ZNF462: variants seen among roughly 807,000 people sequenced by gnomAD.
ZNF462 encodes the protein zinc finger PBX1-interacting protein.
A neutral mutation model predicts 201.9 loss-of-function variants in ZNF462; 10 were observed. The observed-to-expected ratio is 0.05, with a 90% CI of 0.03 to 0.08. The LOEUF (loss-of-function observed/expected upper bound fraction) is 0.08. ZNF462 is among the 10% of genes least tolerant of loss of function. The probability of loss-of-function intolerance (pLI) is 1.00; values close to 1 mark genes in which losing one functional copy is unlikely to be tolerated. For synonymous variants in ZNF462, 1,227 were observed against 1,193.3 expected, an observed-to-expected ratio of 1.03 and a Z score of -0.58; for missense variants, 2,523 against 3,168.3, an observed-to-expected ratio of 0.80 and a Z score of 4.89.
At chr9:106,949,401 G>A (rs1831244238) in intron 7 of ZNF462, among the ~76,000 whole-genome samples, 1 of 152,162 alleles carries the variant, frequency 6.6e-6, no homozygotes, top group South Asian at 2.1e-4. Context: ...ACAAGCCTGG[G>A]AATCTGGAAA....
At chr9:106,891,048 G>A (rs759269149) in intron 1 of ZNF462, among the ~76,000 whole-genome samples, 43 of 152,148 alleles carry the variant, frequency 2.8e-4, no homozygotes, top group Non-Finnish European at 5.4e-4. Flanking sequence ...AAAGTCAGAG[G>A]TGGAACAGAA....
At chr9:107,002,250 G>A (rs1829241723) in intron 10 of ZNF462, among the ~76,000 whole-genome samples, 1 of 152,132 alleles carries the variant, frequency 6.6e-6, no homozygotes, top group Non-Finnish European at 1.5e-5. Flanking sequence ...AATGATGTCT[G>A]TCTTCCCTCT....
At chr9:106,894,408 A>G (rs147574304) in intron 1 of ZNF462, among the ~76,000 whole-genome samples, 1 of 152,380 alleles carries the variant, frequency 6.6e-6, no homozygotes, top group East Asian at 1.9e-4. Context: ...TCAGTCTTCC[A>G]TAACACGATA....
intron 10 of ZNF462, among the ~76,000 whole-genome samples, chr9:106,988,269 G>T (rs1388095694): frequency 6.8e-6 from 1 of 146,754 alleles, no homozygotes; most frequent in Admixed American, 6.7e-5. Context: ...CAGGCAAAAA[G>T]AGAAGGAGGA....
chr9:106,891,646 A>G (rs1828582499), intron 1 of ZNF462, among the ~76,000 whole-genome samples: 1 of 152,238 alleles, frequency 6.6e-6, no homozygotes, highest in Non-Finnish European at 1.5e-5. Context: ...AGTACCATTA[A>G]TAAATCACAT....
In ZNF462 at chr9:106,938,885, T is replaced by C. The variant is rs1304421404; in HGVS notation, c.6236-31T>C. 5 of 1,569,374 alleles carry C rather than the reference T, an allele frequency of 3.2e-6. No homozygotes were observed. Among genetic ancestry groups the C allele is most frequent in the Non-Finnish European group, 3.5e-6 (4 of 1,156,900 alleles). ...TTATACCCTTCTCCCCTCTTTTTCCTGTTCTATTTCTTGTCACCATCCTCT... is the reference window on the plus strand; with the variant it reads ...TTATACCCTTCTCCCCTCTTTTTCCCGTTCTATTTCTTGTCACCATCCTCT... On this transcript the variant is annotated intron_variant, in intron 6 of 12. Coordinates refer to ENST00000277225, the MANE Select transcript of ZNF462 (RefSeq NM_021224.6). The surrounding 1 kb of genome is among the most constrained non-coding windows in gnomAD (Gnocchi z 4.4).
Position 106,972,082 on chromosome 9 carries a change from A to G in ZNF462, c.6505A>G (p.Ser2169Gly). The G allele has an allele frequency of 1.9e-6, 3 of 1,614,180 alleles. No homozygotes were observed. Among genetic ancestry groups the G allele is most frequent in the Non-Finnish European group, 2.5e-6 (3 of 1,180,016 alleles). ...YQSAALARNNSRVSPVPLSGA... is the reference protein window; with the variant it reads ...YQSAALARNNGRVSPVPLSGA... ...GTCAGCTGCCCTGGCAAGGAACAAC[A>G]GCCGTGTTAGCCCTGTGCCTCTTTC... is the stretch of plus-strand genomic sequence containing the variant. Residue 2169 changes from serine (S) to glycine (G), a missense_variant, in exon 8 of 13, where the codon AGC becomes GGC. Physicochemically the swap from Ser to Gly is moderately conservative, Grantham distance 56. Coordinates refer to ENST00000277225, the MANE Select transcript of ZNF462 (RefSeq NM_021224.6). This position sits in a 1 kb window ranked among gnomAD's most constrained non-coding sequence, Gnocchi z 4.8.
rs563590189 is a variant in ZNF462, at chr9:107,011,049, A to G, written c.*19A>G. 66 of 1,610,610 alleles carry G rather than the reference A, an allele frequency of 4.1e-5. No homozygotes were observed. The East Asian group carries it at 1.4e-3, about 35-fold the overall frequency. Reference sequence around the variant, plus strand: ...AGAATGAGCGTTTGGTGAAATTCTTAATCAAACCTTACTTGAACAGTGATG... The same window carrying G: ...AGAATGAGCGTTTGGTGAAATTCTTGATCAAACCTTACTTGAACAGTGATG... On this transcript the variant is annotated 3_prime_UTR_variant, in exon 13 of 13. Transcript: ENST00000277225. The surrounding 1 kb of genome is among the most constrained non-coding windows in gnomAD (Gnocchi z 5.6).
chr9:107,002,602 C>T (rs1180798526), intron 10 of ZNF462, among the ~76,000 whole-genome samples: 1 of 152,192 alleles, frequency 6.6e-6, no homozygotes, highest in Non-Finnish European at 1.5e-5. Context: ...ATTCTGACCA[C>T]ATTTTACATG....
At chr9:106,997,971 TG>T (rs75128253) in intron 10 of ZNF462, among the ~76,000 whole-genome samples, 19,940 of 152,186 alleles carry the variant, frequency 0.13, 3,547 homozygotes, top group African/African-American at 0.4. Context: ...TTATTGTTTA[TG>T]GGTTGCTTCT....
chr9:106,991,320 A>G (rs1026113112), intron 10 of ZNF462, among the ~76,000 whole-genome samples: 3 of 152,034 alleles, frequency 2.0e-5, no homozygotes, highest in African/African-American at 7.2e-5. Flanking sequence ...AATAACATCA[A>G]AAAGAATAAA....
intron 10 of ZNF462, among the ~76,000 whole-genome samples, chr9:107,001,221 T>A (rs1459961178): frequency 6.6e-6 from 1 of 152,202 alleles, no homozygotes; most frequent in Non-Finnish European, 1.5e-5. Flanking sequence ...CCACTTTTCC[T>A]GAAAAACTAG....
In ZNF462 at chr9:106,927,219, C is replaced by A; in HGVS notation, c.3307C>A (p.Gln1103Lys). Reference protein sequence around the residue: ...MSNMGSPPPPQPPPPDLSTEL... With the variant: ...MSNMGSPPPPKPPPPDLSTEL... ...CAACATGGGTTCCCCACCCCCCCCA[C>A]AACCCCCGCCACCAGACCTCAGTAC... Residue 1103 changes from glutamine to lysine, a missense_variant, in exon 3 of 13, where the codon CAA becomes AAA. Gln to Lys is a moderately conservative substitution (Grantham distance 53). Coordinates refer to ENST00000277225, the MANE Select transcript of ZNF462 (RefSeq NM_021224.6). The A allele has an allele frequency of 6.4e-7, 1 of 1,561,108 alleles. No individual in the cohort carries two copies. Among genetic ancestry groups the A allele is most frequent in the Admixed American group, 1.7e-5 (1 of 59,128 alleles).
At chr9:106,879,495 A>G (rs966243210) in intron 1 of ZNF462, among the ~76,000 whole-genome samples, 2 of 152,036 alleles carry the variant, frequency 1.3e-5, no homozygotes, top group East Asian at 3.9e-4. Flanking sequence ...TTCCACACAC[A>G]TGTAGGGCGG....
Position 107,011,714 on chromosome 9 carries a change from G to A in ZNF462, c.*684G>A, listed in dbSNP as rs933108824. On this transcript the variant is annotated 3_prime_UTR_variant, in exon 13 of 13. Transcript: ENST00000277225. This position sits in a 1 kb window ranked among gnomAD's most constrained non-coding sequence, Gnocchi z 5.6. ...CACAAATTGTGCTTAAAATCCCCAT[G>A]TGGGTTTTATTTCTTAAAATACTGT... The A allele has an allele frequency of 4.6e-5, 7 of 151,966 alleles. No homozygotes were observed. The highest frequency in any genetic ancestry group is 4.1e-4 in the South Asian group (2 of 4,822). The allele number at this position is 151,966 out of a possible 1,614,324, so 9.4% of individuals were successfully genotyped here. A position where few individuals can be genotyped will look rare whatever the true frequency, so the allele number is the denominator to read the frequency against.
chr9:106,895,430 T>A lies in ZNF462; in HGVS notation c.-30-27924T>A, dbSNP rs1381298165. ...CTTCCTTTATCTCTTCCCTGGACCA[T>A]CTCAGCAGCTGCTTAGCAGCCTGTT... On this transcript the variant is annotated intron_variant, in intron 1 of 12. Coordinates refer to ENST00000277225, the MANE Select transcript of ZNF462 (RefSeq NM_021224.6). The surrounding 1 kb of genome is among the most constrained non-coding windows in gnomAD (Gnocchi z 4.4). Among the ~76,000 whole-genome samples the A allele has an allele frequency of 6.6e-6, 1 of 152,172 alleles. No homozygotes were observed. Among genetic ancestry groups the A allele is most frequent in the African/African-American group, 2.4e-5 (1 of 41,438 alleles).
intron 1 of ZNF462, among the ~76,000 whole-genome samples, chr9:106,901,363 T>C (rs1165060228): frequency 1.3e-5 from 2 of 152,162 alleles, no homozygotes; most frequent in Non-Finnish European, 2.9e-5. Context: ...TGCCTCTAGA[T>C]TTGTTCTTTT....
Position 106,924,765 on chromosome 9 carries a change from C to T in ZNF462, c.853C>T (p.Leu285=), listed in dbSNP as rs751867392. The T allele has an allele frequency of 2.5e-6, 4 of 1,614,060 alleles. No individual in the cohort carries two copies. Among genetic ancestry groups the T allele is most frequent in the Admixed American group, 3.3e-5 (2 of 60,002 alleles). The change falls in exon 3 of 13, where the codon CTA becomes TTA. Residue 285 remains leucine, a synonymous_variant. Coordinates refer to ENST00000277225, the MANE Select transcript of ZNF462 (RefSeq NM_021224.6). This position sits in a 1 kb window ranked among gnomAD's most constrained non-coding sequence, Gnocchi z 6.2. ...CAGACAGCAACAAGAAGGAACTAAT[C>T]TACCTGATGTGCCGAACAAGAGTGC... The part of the protein sequence containing the change: ...SLRQQQEGTN[L]PDVPNKSAPS...
rs528672540 is a variant in ZNF462, at chr9:107,003,256, C to A, written c.7057-38C>A. On this transcript the variant is annotated intron_variant, in intron 10 of 12. Transcript: ENST00000277225. The surrounding 1 kb of genome is among the most constrained non-coding windows in gnomAD (Gnocchi z 4.4). Reference sequence around the variant, plus strand: ...ATCAGGGAGAACCCCATTTGGTCTGCGGTTTATTATTCCATCATTTGTTTG... The same window carrying A: ...ATCAGGGAGAACCCCATTTGGTCTGAGGTTTATTATTCCATCATTTGTTTG... The A allele has an allele frequency of 6.2e-7, 1 of 1,610,216 alleles. No homozygotes were observed. The highest frequency in any genetic ancestry group is 8.5e-7 in the Non-Finnish European group (1 of 1,178,124).
Sources: gnomAD v4.1 joint callset for allele counts (sites outside exome capture counted in the v4.1 genomes callset) on GRCh38, gnomAD v4.1.1 for gene constraint, Gnocchi (gnomAD v3.1) non-coding constraint, MANE v1.5 for transcripts, NCBI Gene and HGNC (gene_info 2026-07-23, HGNC 2026-07-21) for gene names.